The following APP variants were observed in gnomAD, a reference collection of about 807,000 sequenced individuals.
APP encodes the protein amyloid beta precursor protein.
APP carries 31 observed loss-of-function variants against 101.4 expected under a neutral mutation model. That is an observed-to-expected ratio of 0.31 (90% confidence interval 0.23 to 0.41). The LOEUF (loss-of-function observed/expected upper bound fraction) is 0.41, where lower values mean the gene tolerates loss of function less well. APP is among the 10% of genes least tolerant of loss of function. The pLI is 1.00. For missense variants in APP, 839 were observed against 1,003.7 expected, an observed-to-expected ratio of 0.84 and a Z score of 2.22; for synonymous variants, 366 against 364.4, an observed-to-expected ratio of 1.00 and a Z score of -0.05.
At chr21:25,997,221 G>C in intron 8 of APP, 139 bp downstream of exon 8, 1 of 822,518 alleles carries the variant, frequency 1.2e-6, no homozygotes, top group Non-Finnish European at 2.1e-6. Context: ...TACAAGCAAG[G>C]TAATGGGAAG....
At chr21:26,021,266 T>C (rs529784754) in intron 6 of APP, among the ~76,000 whole-genome samples, 24 of 152,316 alleles carry the variant, frequency 1.6e-4, no homozygotes, top group African/African-American at 5.5e-4. Flanking sequence ...CAGACTGGTC[T>C]TGAACTCCTG....
chr21:25,983,871 GGAAA>G (rs1367769924), intron 8 of APP, among the ~76,000 whole-genome samples: 3 of 152,146 alleles, frequency 2.0e-5, no homozygotes, highest in Non-Finnish European at 4.4e-5. Flanking sequence ...AAGGAAGGAA[GGAAA>G]GAGTCATGTG....
At chr21:26,121,555 T>C (rs2062571877) in intron 1 of APP, among the ~76,000 whole-genome samples, 1 of 152,102 alleles carries the variant, frequency 6.6e-6, no homozygotes, top group African/African-American at 2.4e-5. Flanking sequence ...ACCCGGCTAA[T>C]TTTTGTATTT....
chr21:26,088,252 T>C (rs925168300), intron 3 of APP, among the ~76,000 whole-genome samples: 1 of 152,228 alleles, frequency 6.6e-6, no homozygotes, highest in African/African-American at 2.4e-5. Context: ...CAACTGGCAC[T>C]AGGTAGTAAA....
intron 9 of APP, among the ~76,000 whole-genome samples, chr21:25,978,049 T>G (rs534188583): frequency 5.3e-5 from 8 of 152,334 alleles, no homozygotes; most frequent in Non-Finnish European, 7.3e-5. Context: ...ACATTTACAT[T>G]TTTTCCATTT....
chr21:26,029,603 C>T (rs3787642), intron 5 of APP, among the ~76,000 whole-genome samples: 15,686 of 151,844 alleles, frequency 0.1, 1,281 homozygotes, highest in East Asian at 0.29. Context: ...TGCAAAGGCC[C>T]GGTGACAGGA....
At chr21:25,991,836 T>A (rs1456302242) in intron 8 of APP, among the ~76,000 whole-genome samples, 1 of 152,242 alleles carries the variant, frequency 6.6e-6, no homozygotes, top group Admixed American at 6.5e-5. Flanking sequence ...TGGCCTTGTA[T>A]GAAAAATATT....
At chr21:26,116,506 C>G (rs2062437923) in intron 1 of APP, among the ~76,000 whole-genome samples, 1 of 152,206 alleles carries the variant, frequency 6.6e-6, no homozygotes, top group South Asian at 2.1e-4. Flanking sequence ...TGAACAAGTT[C>G]TCTTGTTGTC....
intron 11 of APP, among the ~76,000 whole-genome samples, chr21:25,973,805 C>T (rs1057203650): frequency 2.0e-5 from 3 of 151,640 alleles, no homozygotes; most frequent in Non-Finnish European, 2.9e-5. Flanking sequence ...AGCTGGGTGT[C>T]GTGGCTCACC....
At chr21:26,031,867 C>T (rs901330903) in intron 5 of APP, among the ~76,000 whole-genome samples, 5 of 152,144 alleles carry the variant, frequency 3.3e-5, no homozygotes, top group African/African-American at 1.2e-4. Flanking sequence ...GCCCCAGATT[C>T]GTAAGTGGAG....
At chr21:26,111,087 T>TAAAAAAAAAAAAAAAAAAAAAAA (rs576900084) in intron 2 of APP, among the ~76,000 whole-genome samples, 1 of 88,480 alleles carries the variant, frequency 1.1e-5, no homozygotes, top group African/African-American at 4.9e-5. Flanking sequence ...AAAGTTAAGT[T>TAAAAAAAAAAAAAAAAAAAAAAA]AAAAAAAAAA....
At chr21:25,978,979 A>T (rs895148986) in intron 9 of APP, among the ~76,000 whole-genome samples, 1 of 152,108 alleles carries the variant, frequency 6.6e-6, no homozygotes, top group Non-Finnish European at 1.5e-5. Flanking sequence ...AAAACCTATG[A>T]GTTGGGTCAG....
At chr21:26,033,435 CTT>C (rs986672963) in intron 5 of APP, among the ~76,000 whole-genome samples, 1 of 152,194 alleles carries the variant, frequency 6.6e-6, no homozygotes, top group Non-Finnish European at 1.5e-5. Context: ...AATTAAACCT[CTT>C]TCCTTTATAA....
At chr21:25,913,041 T>C (rs181924169) in intron 13 of APP, among the ~76,000 whole-genome samples, 1 of 152,356 alleles carries the variant, frequency 6.6e-6, no homozygotes, top group East Asian at 1.9e-4. Flanking sequence ...CTGTAGTATA[T>C]ATTTCAGACA....
chr21:26,078,171 T>G lies in APP; in HGVS notation c.355+11772A>C, dbSNP rs1174048719. On this transcript the variant is annotated intron_variant, in intron 3 of 17. Transcript: ENST00000346798. ...TTTAATCACAAACATCAAATAACTT[T>G]TTAAAAATATAATACGTGAGAAAAA... 2.0e-5 allele frequency among the ~76,000 whole-genome samples: 3 copies of G among 152,212 alleles called. No homozygotes were observed. In the East Asian group the frequency reaches 5.8e-4, roughly 29 times the overall value.
At chr21:26,114,000 T>A (rs2062382860) in intron 1 of APP, among the ~76,000 whole-genome samples, 1 of 152,212 alleles carries the variant, frequency 6.6e-6, no homozygotes, top group African/African-American at 2.4e-5. Context: ...TCGCCATTGT[T>A]CCCACAGTAC....
chr21:26,150,926 C>A (rs1601580824), intron 1 of APP, among the ~76,000 whole-genome samples: 1 of 152,114 alleles, frequency 6.6e-6, no homozygotes, highest in East Asian at 1.9e-4. Flanking sequence ...AAACAATAAA[C>A]AACACTGTCT....
At chr21:26,153,234 C>T (rs1476297162) in intron 1 of APP, among the ~76,000 whole-genome samples, 1 of 152,132 alleles carries the variant, frequency 6.6e-6, no homozygotes, top group Non-Finnish European at 1.5e-5. Flanking sequence ...TCTCAGAATT[C>T]ACCACTACGT....
chr21:26,089,721 T>C (rs572488642), intron 3 of APP: 7 of 506,792 alleles, frequency 1.4e-5, no homozygotes, highest in African/African-American at 1.3e-4. Flanking sequence ...AATTTCAATA[T>C]ACACCCTGGG....
Sources: allele counts gnomAD v4.1 joint callset (sites outside exome capture counted in the v4.1 genomes callset), GRCh38; gene constraint gnomAD v4.1.1; transcripts MANE v1.5; gene names NCBI Gene and HGNC (gene_info 2026-07-23, HGNC 2026-07-21).